The following SDK1 variants were observed in gnomAD, a reference collection of about 807,000 sequenced individuals.
SDK1 encodes the protein sidekick cell adhesion molecule 1.
SDK1 carries 157 observed loss-of-function variants against 245.5 expected under a neutral mutation model. The ratio of observed to expected loss-of-function variants is 0.64; its 90% confidence interval spans 0.56 to 0.73. The LOEUF is 0.73. Ranked by LOEUF, SDK1 falls within the 30% of genes least tolerant of loss-of-function variation. The probability of loss-of-function intolerance (pLI) is 0.00; values close to 1 mark genes in which losing one functional copy is unlikely to be tolerated. For missense variants in SDK1, 3,583 were observed against 3,002.3 expected (o/e 1.19, Z -4.52); for synonymous variants, 1,647 against 1,278.5 (o/e 1.29, Z -6.15).
At chr7:4,079,433 C>T (rs761497790) in intron 21 of SDK1, 30 bp from the exon 22 acceptor site, 2 of 1,610,644 alleles carry the variant, frequency 1.2e-6, no homozygotes, top group African/African-American at 1.4e-5. Flanking sequence ...GACTGTAAAT[C>T]TCTCCCTTTC....
chr7:3,517,489 A>C (rs992201477), intron 1 of SDK1, among the ~76,000 whole-genome samples: 3 of 152,096 alleles, frequency 2.0e-5, no homozygotes, highest in Non-Finnish European at 2.9e-5. Context: ...TCCTGGCAAT[A>C]CTCAACACTT....
At chr7:3,828,643 T>C (rs1779836869) in intron 5 of SDK1, among the ~76,000 whole-genome samples, 2 of 131,696 alleles carry the variant, frequency 1.5e-5, no homozygotes, top group Admixed American at 1.9e-4. Flanking sequence ...TTAAGAATTT[T>C]TTGTTCTTTT....
chr7:3,567,809 T>C (rs1205419266), intron 1 of SDK1, among the ~76,000 whole-genome samples: 1 of 152,186 alleles, frequency 6.6e-6, no homozygotes. Flanking sequence ...TATTTATCTT[T>C]TATTCATTTA....
chr7:3,826,556 G>A (rs901901956), intron 5 of SDK1, among the ~76,000 whole-genome samples: 7 of 152,230 alleles, frequency 4.6e-5, no homozygotes, highest in South Asian at 2.1e-4. Context: ...CAGAAATGCC[G>A]TCGTCTTCAG....
intron 4 of SDK1, among the ~76,000 whole-genome samples, chr7:3,690,794 A>G (rs1057056464): frequency 1.3e-5 from 2 of 152,230 alleles, no homozygotes; most frequent in African/African-American, 4.8e-5. Flanking sequence ...AATAAAAACC[A>G]TATGACTTGT....
At chr7:4,185,770 A>G (rs1782854890) in intron 35 of SDK1, among the ~76,000 whole-genome samples, 1 of 152,026 alleles carries the variant, frequency 6.6e-6, no homozygotes, top group East Asian at 1.9e-4. Flanking sequence ...GAACGTTAGC[A>G]TAAGGCCAGA....
intron 1 of SDK1, among the ~76,000 whole-genome samples, chr7:3,526,635 C>G (rs1309744600): frequency 6.6e-6 from 1 of 152,106 alleles, no homozygotes; most frequent in Non-Finnish European, 1.5e-5. Context: ...TTTCATTTCT[C>G]TTTTTCACCA....
intron 4 of SDK1, among the ~76,000 whole-genome samples, chr7:3,777,558 T>G (rs542488981): frequency 6.6e-6 from 1 of 152,312 alleles, no homozygotes; most frequent in African/African-American, 2.4e-5. Context: ...TTCCTCCTGA[T>G]GTGCCCAGCA....
Position 3,610,658 on chromosome 7 carries a change from C to T in SDK1, c.299-8422C>T, listed in dbSNP as rs144149886. 3.9e-3 allele frequency among the ~76,000 whole-genome samples: 593 copies of T among 152,332 alleles called. 5 individuals are homozygous for T. The highest frequency in any genetic ancestry group is 0.013 in the African/African-American group (555 of 41,570). On this transcript the variant is annotated intron_variant, in intron 1 of 44. Coordinates refer to ENST00000404826, the MANE Select transcript of SDK1 (RefSeq NM_152744.4). The stretch of plus-strand genomic sequence containing the variant: ...ATCAGCTTCAATTGTGGATTAATCT[C>T]ACTGGAAGCTTGAATGGTTTCTTAG...
intron 44 of SDK1, among the ~76,000 whole-genome samples, chr7:4,251,063 G>T (rs956669905): frequency 6.6e-6 from 1 of 152,102 alleles, no homozygotes; most frequent in East Asian, 1.9e-4. Context: ...ATTTCATTCA[G>T]CATAATGTTT....
rs573736246 is a variant in SDK1 at position 3,527,961 on chromosome 7, C to T, written c.299-91119C>T. On this transcript the variant is annotated intron_variant, in intron 1 of 44. Coordinates refer to ENST00000404826, the MANE Select transcript of SDK1 (RefSeq NM_152744.4). ...GGAGGTAAAGTTGGATGATAGCTAG[C>T]GGGTGAGTGGTGGGAGGTGAGGCTG... Among the ~76,000 whole-genome samples, 90 of 134,488 alleles carry T rather than the reference C, an allele frequency of 6.7e-4. 1 individual carries two copies. Among genetic ancestry groups the T allele is most frequent in the African/African-American group, 2.0e-3 (71 of 35,046 alleles). The allele number at this position is 134,488 out of a possible 152,430, so 88.2% of individuals were successfully genotyped here.
intron 2 of SDK1, among the ~76,000 whole-genome samples, chr7:3,632,953 C>A (rs1427327578): frequency 5.3e-5 from 8 of 152,108 alleles, no homozygotes; most frequent in African/African-American, 1.7e-4. Context: ...TTTTAAATTT[C>A]ATGTAGAAAA....
intron 32 of SDK1, among the ~76,000 whole-genome samples, chr7:4,170,930 A>G (rs1235294867): frequency 1.3e-5 from 2 of 152,154 alleles, no homozygotes; most frequent in Non-Finnish European, 2.9e-5. Context: ...TAGAAAAGGA[A>G]AAGAGCATTT....
chr7:3,438,070 AT>A (rs1253532633), intron 1 of SDK1, among the ~76,000 whole-genome samples: 28 of 152,270 alleles, frequency 1.8e-4, no homozygotes, highest in African/African-American at 6.7e-4. Flanking sequence ...TAATTAAGTT[AT>A]TTACAGCTAA....
intron 17 of SDK1, among the ~76,000 whole-genome samples, chr7:4,036,090 G>C (rs941354696): frequency 6.6e-6 from 1 of 152,148 alleles, no homozygotes; most frequent in African/African-American, 2.4e-5. Context: ...CTTCATTCAA[G>C]ACTTTTAATG....
At chr7:3,350,665 T>G (rs1188079824) in intron 1 of SDK1, among the ~76,000 whole-genome samples, 4 of 152,188 alleles carry the variant, frequency 2.6e-5, no homozygotes, top group Non-Finnish European at 1.5e-5. Context: ...CACCAGTCAG[T>G]GAGGTGTTTG....
In SDK1 at chr7:3,489,343, A is replaced by G. The variant is rs142173195; in HGVS notation, c.299-129737A>G. ...TAAGCATCTTTTTTGACTCTAAACA[A>G]TTGAGCGTATTGTGGAAATTTTCCG... is the stretch of plus-strand genomic sequence containing the variant. On this transcript the variant is annotated intron_variant, in intron 1 of 44. Transcript: ENST00000404826. Among the ~76,000 whole-genome samples, 550 of 152,340 alleles carry G rather than the reference A, an allele frequency of 3.6e-3. 2 individuals carry two copies. The highest frequency in any genetic ancestry group is 8.3e-3 in the South Asian group (40 of 4,828).
chr7:3,841,482 C>A (rs1780156047), intron 5 of SDK1, among the ~76,000 whole-genome samples: 1 of 152,194 alleles, frequency 6.6e-6, no homozygotes, highest in Non-Finnish European at 1.5e-5. Context: ...TAATGAGTTT[C>A]TGGGCCCCAG....
chr7:3,834,946 A>C (rs565080313), intron 5 of SDK1, among the ~76,000 whole-genome samples: 1 of 151,852 alleles, frequency 6.6e-6, no homozygotes, highest in East Asian at 1.9e-4. Flanking sequence ...TTTGGTGTTT[A>C]TTGCTCCTTT....
Sources: gnomAD v4.1 joint callset for allele counts (sites outside exome capture counted in the v4.1 genomes callset) on GRCh38, gnomAD v4.1.1 for gene constraint, MANE v1.5 for transcripts, NCBI Gene and HGNC (gene_info 2026-07-23, HGNC 2026-07-21) for gene names.